SAMD3: variants seen among roughly 807,000 people sequenced by gnomAD.
SAMD3 encodes the protein sterile alpha motif domain containing 3.
SAMD3 carries 63 observed loss-of-function variants against 58.5 expected under a neutral mutation model. That is an observed-to-expected ratio of 1.08 (90% CI 0.88 to 1.33). SAMD3 has a LOEUF of 1.33. Among genes scored for constraint, SAMD3 ranks in the 40% most tolerant of loss-of-function variants. SAMD3 has a pLI of 0.00. For synonymous variants in SAMD3, 220 were observed against 210.3 expected (o/e 1.05, Z -0.40); for missense variants, 604 against 608.4 (o/e 0.99, Z 0.08).
At position 130,184,485 on chromosome 6, in the gene SAMD3, G is replaced by A. The variant is rs200232270; in HGVS notation, c.522C>T (p.Ile174=). 2,285 of 1,614,120 alleles carry A rather than the reference G, an allele frequency of 1.4e-3. 44 individuals carry two copies. In the South Asian group the frequency reaches 0.024, roughly 17 times the overall value. The change falls in exon 6 of 12, where the codon ATC becomes ATT. Residue 174 remains isoleucine (I), a synonymous_variant. Coordinates refer to ENST00000439090, the MANE Select transcript of SAMD3 (RefSeq NM_001017373.4). Reference sequence around the variant, plus strand: ...TCATGTCGGCCTGGAGAAACTCAATGATCCTTATCCTCATGCTGTGATCCG... The same window carrying A: ...TCATGTCGGCCTGGAGAAACTCAATAATCCTTATCCTCATGCTGTGATCCG... ...KCPDHSMRIR[I]IEFLQADMTK... is the part of the protein sequence containing the mutation.
Position 130,213,022 on chromosome 6 carries a change from C to A in SAMD3, c.269+1315G>T, listed in dbSNP as rs1795699077. Among the ~76,000 whole-genome samples, 3 of 152,318 alleles carry A rather than the reference C, an allele frequency of 2.0e-5. No homozygotes were observed. The South Asian group carries it at 6.2e-4, about 32-fold the overall frequency. On this transcript the variant is annotated intron_variant, in intron 4 of 11. Coordinates refer to ENST00000439090, the MANE Select transcript of SAMD3 (RefSeq NM_001017373.4). ...TAGGGGCCGGGCAAAGCAGCTCTTG[C>A]CTGTAATCCCAGCGCTTTAGGAGGC...
intron 2 of SAMD3, among the ~76,000 whole-genome samples, chr6:130,311,001 G>A (rs1304352549): frequency 2.0e-5 from 3 of 152,142 alleles, no homozygotes; most frequent in Admixed American, 1.3e-4. Flanking sequence ...CGAGGGCACT[G>A]GCGAGGTGTA....
intron 2 of SAMD3, among the ~76,000 whole-genome samples, chr6:130,279,464 A>G (rs145649752): frequency 0.031 from 4,622 of 147,322 alleles, 235 homozygotes; most frequent in African/African-American, 0.11. Flanking sequence ...CCCCAGCCAT[A>G]TGGAACTGTG....
At chr6:130,171,890 T>C (rs958307301) in intron 8 of SAMD3, among the ~76,000 whole-genome samples, 1 of 152,232 alleles carries the variant, frequency 6.6e-6, no homozygotes, top group Admixed American at 6.5e-5. Context: ...ATCTGGGTGC[T>C]CCTGTACTAG....
chr6:130,342,964 T>C (rs548101973), intron 1 of SAMD3, among the ~76,000 whole-genome samples: 1 of 152,260 alleles, frequency 6.6e-6, no homozygotes, highest in South Asian at 2.1e-4. Context: ...GAACAAGACT[T>C]TTCTAAAATG....
In SAMD3 at chr6:130,213,317, T is replaced by G. The variant is rs558771368; in HGVS notation, c.269+1020A>C. Reference sequence around the variant, plus strand: ...ATCTCTAAAAAAAACAAAAAGCTTTTTTTTTTTTAAAAAAAATCAATTAGT... The same window carrying G: ...ATCTCTAAAAAAAACAAAAAGCTTTGTTTTTTTTAAAAAAAATCAATTAGT... On this transcript the variant is annotated intron_variant, in intron 4 of 11. Coordinates refer to ENST00000439090, the MANE Select transcript of SAMD3 (RefSeq NM_001017373.4). Among the ~76,000 whole-genome samples, 61 of 145,536 alleles carry G rather than the reference T, an allele frequency of 4.2e-4. No homozygotes were observed. In the South Asian group the frequency reaches 0.013, roughly 30 times the overall value.
intron 2 of SAMD3, among the ~76,000 whole-genome samples, chr6:130,302,784 T>C (rs1033332230): frequency 6.6e-6 from 1 of 152,202 alleles, no homozygotes; most frequent in Non-Finnish European, 1.5e-5. Flanking sequence ...TGCAGTAACA[T>C]AGATGCAGCC....
rs565905122 is a variant in SAMD3, at chr6:130,170,597, T to C, written c.822+5244A>G. Among the ~76,000 whole-genome samples, 5 of 152,212 alleles carry C rather than the reference T, an allele frequency of 3.3e-5. No individual in the cohort carries two copies. In the South Asian group the frequency reaches 1.0e-3, roughly 32 times the overall value. On this transcript the variant is annotated intron_variant, in intron 8 of 11. Coordinates refer to ENST00000439090, the MANE Select transcript of SAMD3 (RefSeq NM_001017373.4). ...TCCATGAGCATGGAATGTCTTTCTTTTCCTTTGTGTCCTGTCTTATTTCTT... is the reference window on the plus strand; with the variant it reads ...TCCATGAGCATGGAATGTCTTTCTTCTCCTTTGTGTCCTGTCTTATTTCTT...
intron 2 of SAMD3, among the ~76,000 whole-genome samples, chr6:130,301,216 T>G (rs1405165507): frequency 6.6e-6 from 1 of 152,184 alleles, no homozygotes; most frequent in Non-Finnish European, 1.5e-5. Flanking sequence ...ATCCAGTCTA[T>G]CATTAATGCA....
At chr6:130,344,825 C>CAAAAAAAAAAAAAA (rs56795907) in intron 1 of SAMD3, among the ~76,000 whole-genome samples, 3 of 41,110 alleles carry the variant, frequency 7.3e-5, no homozygotes, top group East Asian at 9.4e-4. Flanking sequence ...ACAACAACAG[C>CAAAAAAAAAAAAAA]AAAAAAAAAA....
rs188584671 is a variant in SAMD3, at chr6:130,164,317, A to C, written c.823-9292T>G. On this transcript the variant is annotated intron_variant, in intron 8 of 11. Transcript: ENST00000439090. ...TTCAAATAAATTAGCTGTAAAAATG[A>C]AAACTAGGTGTTTTTACTTAAAGCA... 4.1e-4 allele frequency among the ~76,000 whole-genome samples: 63 copies of C among 152,332 alleles called. 1 individual carries two copies. The Middle Eastern group carries it at 0.017, about 41-fold the overall frequency.
intron 2 of SAMD3, among the ~76,000 whole-genome samples, chr6:130,288,820 G>A (rs1052871738): frequency 6.6e-6 from 1 of 152,192 alleles, no homozygotes; most frequent in Non-Finnish European, 1.5e-5. Flanking sequence ...AGAGCTAAAG[G>A]TTGGTGATTA....
chr6:130,196,311 C>A (rs1794104557), intron 5 of SAMD3, among the ~76,000 whole-genome samples: 1 of 152,194 alleles, frequency 6.6e-6, no homozygotes, highest in Non-Finnish European at 1.5e-5. Context: ...TGCTCCCCAG[C>A]TCCTTCAGCT....
intron 2 of SAMD3, among the ~76,000 whole-genome samples, chr6:130,279,870 C>G (rs753968386): frequency 6.6e-6 from 1 of 152,120 alleles, no homozygotes; most frequent in Non-Finnish European, 1.5e-5. Flanking sequence ...ACCTGACATA[C>G]AGTAGGAGCT....
intron 7 of SAMD3, among the ~76,000 whole-genome samples, chr6:130,177,977 CCTT>C: frequency 6.7e-6 from 1 of 149,726 alleles, no homozygotes; most frequent in East Asian, 1.9e-4. Flanking sequence ...GTGGCTCAAC[CCTT>C]CTTTTTTTTT....
intron 2 of SAMD3, among the ~76,000 whole-genome samples, chr6:130,299,767 G>A (rs1775684391): frequency 1.3e-5 from 2 of 152,082 alleles, no homozygotes; most frequent in African/African-American, 4.8e-5. Flanking sequence ...AAGTGACAGA[G>A]GTAGCACTAG....
chr6:130,329,309 C>A (rs771510303), intron 1 of SAMD3, among the ~76,000 whole-genome samples: 3 of 149,412 alleles, frequency 2.0e-5, no homozygotes, highest in Non-Finnish European at 3.0e-5. Flanking sequence ...GCTAATTAGA[C>A]CTGCCTCTAT....
At chr6:130,341,209 A>G (rs1171958457) in intron 1 of SAMD3, among the ~76,000 whole-genome samples, 1 of 152,138 alleles carries the variant, frequency 6.6e-6, no homozygotes, top group African/African-American at 2.4e-5. Flanking sequence ...GATAATAACC[A>G]ATATGGTCTA....
chr6:130,321,999 T>A (rs1008343097), intron 1 of SAMD3, among the ~76,000 whole-genome samples: 3 of 152,084 alleles, frequency 2.0e-5, no homozygotes, highest in African/African-American at 7.2e-5. Flanking sequence ...CTTAAAAATA[T>A]TTGGAAAGGA....
Sources: gnomAD v4.1 joint callset for allele counts (sites outside exome capture counted in the v4.1 genomes callset) on GRCh38, gnomAD v4.1.1 for gene constraint, MANE v1.5 for transcripts, NCBI Gene and HGNC (gene_info 2026-07-23, HGNC 2026-07-21) for gene names.